Variants in ATF1 observed in about 807,000 individuals in gnomAD.
ATF1 encodes activating transcription factor 1.
Under a neutral mutation model 34.7 loss-of-function variants are expected in ATF1, and 16 were observed. The ratio of observed to expected loss-of-function variants is 0.46; its 90% CI spans 0.31 to 0.70. The LOEUF (loss-of-function observed/expected upper bound fraction) is 0.70. ATF1 is among the 30% of genes least tolerant of loss of function. ATF1 has a pLI of 0.05. For missense variants in ATF1, 255 were observed against 321.6 expected (o/e 0.79, Z 1.58); for synonymous variants, 105 against 113.1 (o/e 0.93, Z 0.46).
intron 6 of ATF1, among the ~76,000 whole-genome samples, chr12:50,817,278 TG>T (rs1336684786): frequency 2.0e-5 from 3 of 151,830 alleles, no homozygotes; most frequent in African/African-American, 4.8e-5. Context: ...AACATAAAAA[TG>T]GGGGGAAAAA....
chr12:50,789,320 C>T (rs191306917), intron 2 of ATF1, among the ~76,000 whole-genome samples: 7 of 152,284 alleles, frequency 4.6e-5, no homozygotes, highest in African/African-American at 1.2e-4. Context: ...CTGCCCACCT[C>T]GGCCTCCCAA....
chr12:50,773,100 C>G (rs1940818208), intron 1 of ATF1, among the ~76,000 whole-genome samples: 1 of 152,210 alleles, frequency 6.6e-6, no homozygotes. Flanking sequence ...GACATTATCT[C>G]TTTCCTTTTT....
At chr12:50,765,499 C>T (rs544748667) in intron 1 of ATF1, among the ~76,000 whole-genome samples, 1 of 152,194 alleles carries the variant, frequency 6.6e-6, no homozygotes, top group South Asian at 2.1e-4. Flanking sequence ...CTATCTTTGC[C>T]AGTTTTTGTT....
chr12:50,782,255 A>T (rs112577574), intron 2 of ATF1, among the ~76,000 whole-genome samples: 4 of 151,346 alleles, frequency 2.6e-5, no homozygotes, highest in African/African-American at 9.7e-5. Flanking sequence ...TTGTTTGTTT[A>T]TTTGTTTGTT....
chr12:50,815,541 A>G (rs1011209077), intron 6 of ATF1, among the ~76,000 whole-genome samples: 2 of 148,378 alleles, frequency 1.3e-5, no homozygotes, highest in African/African-American at 4.9e-5. Context: ...GTATACCACC[A>G]CACCCAGCTA....
At chr12:50,806,308 C>A in intron 3 of ATF1, 1 of 424,316 alleles carries the variant, frequency 2.4e-6, no homozygotes, top group South Asian at 1.8e-5. Context: ...TATCCTGTTC[C>A]CAAGTACTCA....
At chr12:50,808,355 TCTCA>T (rs1272908505) in intron 3 of ATF1, among the ~76,000 whole-genome samples, 2 of 152,094 alleles carry the variant, frequency 1.3e-5, no homozygotes, top group African/African-American at 4.8e-5. Flanking sequence ...TGAGATGGAA[TCTCA>T]CTCTGTCGCC....
At chr12:50,796,648 C>T (rs952657044) in intron 3 of ATF1, among the ~76,000 whole-genome samples, 1 of 151,772 alleles carries the variant, frequency 6.6e-6, no homozygotes, top group East Asian at 1.9e-4. Context: ...TTGCAGTGAG[C>T]CGAGATTGTG....
At chr12:50,769,943 CATG>C (rs1402616968) in intron 1 of ATF1, among the ~76,000 whole-genome samples, 2 of 152,176 alleles carry the variant, frequency 1.3e-5, no homozygotes, top group Non-Finnish European at 2.9e-5. Flanking sequence ...TCAAATGAAA[CATG>C]AGTTAATTGA....
intron 1 of ATF1, chr12:50,764,730 C>A (rs937050507): frequency 1.3e-4 from 20 of 152,308 alleles, no homozygotes; most frequent in African/African-American, 4.6e-4. Context: ...TCTGGTTAAC[C>A]CCGCGACAGG....
Position 50,821,138 on chromosome 12 carries a change from AT to A in ATF1, c.*1360del, listed in dbSNP as rs2139706254. The A allele has an allele frequency of 5.7e-6, 1 of 175,804 alleles. No individual in the cohort carries two copies. Among genetic ancestry groups the A allele is most frequent in the Admixed American group, 6.3e-5 (1 of 15,802 alleles). 10.9% of individuals were successfully genotyped at this position (175,804 alleles called of 1,614,324 possible). ...TTTGATAGTCTACTGAATGTAAAAT[AT>A]AATGCTTGGTATATGAATGATAAGC... is the stretch of plus-strand genomic sequence containing the variant. On this transcript the variant is annotated 3_prime_UTR_variant, in exon 7 of 7. Transcript: ENST00000262053.
chr12:50,787,603 T>C (rs950083172), intron 2 of ATF1, among the ~76,000 whole-genome samples: 37 of 151,140 alleles, frequency 2.4e-4, no homozygotes, highest in African/African-American at 8.5e-4. Context: ...AAGCCAGGCA[T>C]GGTGGTGCAC....
At chr12:50,793,373 C>T (rs1310495562) in intron 2 of ATF1, among the ~76,000 whole-genome samples, 1 of 152,058 alleles carries the variant, frequency 6.6e-6, no homozygotes, top group Non-Finnish European at 1.5e-5. Context: ...TACCTGTAAT[C>T]CCAGCACTTT....
chr12:50,769,017 T>G (rs1330345887), intron 1 of ATF1, among the ~76,000 whole-genome samples: 2 of 152,164 alleles, frequency 1.3e-5, no homozygotes, highest in Non-Finnish European at 2.9e-5. Context: ...AGTACATAAT[T>G]AAAATTGCTT....
chr12:50,810,258 C>A (rs1420968340), intron 4 of ATF1, among the ~76,000 whole-genome samples: 1 of 141,190 alleles, frequency 7.1e-6, no homozygotes, highest in Non-Finnish European at 1.5e-5. Flanking sequence ...CGCTCTGTTG[C>A]CCAGATTAGA....
chr12:50,800,201 T>C (rs980881933), intron 3 of ATF1, among the ~76,000 whole-genome samples: 1 of 152,204 alleles, frequency 6.6e-6, no homozygotes, highest in African/African-American at 2.4e-5. Flanking sequence ...TGGAATAGCA[T>C]TTTTAAAGTG....
At chr12:50,792,906 T>A (rs1030399964) in intron 2 of ATF1, among the ~76,000 whole-genome samples, 1 of 152,168 alleles carries the variant, frequency 6.6e-6, no homozygotes, top group Non-Finnish European at 1.5e-5. Context: ...TTCTTATTTG[T>A]ATTTATCTAC....
At chr12:50,778,375 G>T (rs1940978645) in intron 1 of ATF1, among the ~76,000 whole-genome samples, 1 of 151,290 alleles carries the variant, frequency 6.6e-6, no homozygotes, top group Non-Finnish European at 1.5e-5. Flanking sequence ...GCAGGCACCT[G>T]CCCCCGTGCC....
intron 1 of ATF1, among the ~76,000 whole-genome samples, chr12:50,774,237 G>T (rs1460289207): frequency 1.3e-5 from 2 of 151,618 alleles, no homozygotes; most frequent in African/African-American, 4.8e-5. Flanking sequence ...GTTTCTCCAT[G>T]TTGGCCAGGC....
Sources: allele counts gnomAD v4.1 joint callset (sites outside exome capture counted in the v4.1 genomes callset), GRCh38; gene constraint gnomAD v4.1.1; transcripts MANE v1.5; gene names NCBI Gene and HGNC (gene_info 2026-07-23, HGNC 2026-07-21).